Variants in DDAH1 observed in about 807,000 individuals in gnomAD.
DDAH1 encodes the protein N(G),N(G)-dimethylarginine dimethylaminohydrolase 1.
In DDAH1, 19 loss-of-function variants were observed where a neutral mutation model predicts 28.8. The ratio of observed to expected loss-of-function variants is 0.66; its 90% CI spans 0.46 to 0.97. The LOEUF is 0.97. DDAH1 is among the 50% of genes least tolerant of loss of function. The pLI is 0.00. For synonymous variants in DDAH1, 153 were observed against 154.4 expected (o/e 0.99, Z 0.07); for missense variants, 326 against 375.9 (o/e 0.87, Z 1.10).
chr1:85,449,175 A>G (rs1654559724), intron 1 of DDAH1, among the ~76,000 whole-genome samples: 1 of 152,240 alleles, frequency 6.6e-6, no homozygotes. Flanking sequence ...GGCAGCTGGC[A>G]TCAGGGGCCC....
intron 1 of DDAH1, among the ~76,000 whole-genome samples, chr1:85,564,824 A>T (rs1659247339): frequency 6.6e-6 from 1 of 151,582 alleles, no homozygotes; most frequent in Non-Finnish European, 1.5e-5. Flanking sequence ...AGATTGTGCC[A>T]CTGCACTCCA....
chr1:85,575,421 T>C (rs1041793978), intron 1 of DDAH1, among the ~76,000 whole-genome samples: 1 of 152,102 alleles, frequency 6.6e-6, no homozygotes. Flanking sequence ...GCTTATGAGG[T>C]GTCAAAAGAA....
exon 1 of DDAH1, chr1:85,578,062 C>T: frequency 1.4e-5 from 14 of 970,734 alleles, no homozygotes; most frequent in Non-Finnish European, 1.7e-5. Flanking sequence ...GGCGAGAAGG[C>T]GACGGGAGGC....
At chr1:85,496,692 C>A (rs1656606956) in intron 1 of DDAH1, among the ~76,000 whole-genome samples, 1 of 152,160 alleles carries the variant, frequency 6.6e-6, no homozygotes, top group South Asian at 2.1e-4. Context: ...TGATGTACAG[C>A]AAATTAATTG....
intron 2 of DDAH1, among the ~76,000 whole-genome samples, chr1:85,489,255 C>T (rs1354673407): frequency 6.6e-6 from 1 of 152,114 alleles, no homozygotes; most frequent in East Asian, 1.9e-4. Flanking sequence ...CTACTGAAAG[C>T]AAAAATAATA....
Position 85,350,438 on chromosome 1 carries a change from C to G in DDAH1, c.574G>C (p.Glu192Gln), listed in dbSNP as rs750455033. ...ACCTTAAGGGCCTTCTGTGCAGATT[C>G]ACTAGACCCAATTGCGATCAGGTTA... ...GPNLIAIGSS[E>Q]SAQKALKIMQ... The change falls in exon 4 of 6, where the codon GAA becomes CAA. Residue 192 changes from glutamate to glutamine, a missense_variant. Glu to Gln is a conservative substitution (Grantham distance 29). Transcript: ENST00000284031. The G allele has an allele frequency of 6.8e-6, 11 of 1,613,932 alleles. No individual in the cohort carries two copies. The highest frequency in any genetic ancestry group is 5.0e-5 in the Admixed American group (3 of 59,986).
At chr1:85,356,081 T>C (rs1218415518) in intron 2 of DDAH1, among the ~76,000 whole-genome samples, 1 of 152,132 alleles carries the variant, frequency 6.6e-6, no homozygotes, top group African/African-American at 2.4e-5. Context: ...CCCACAGGGG[T>C]GTCTATGGTC....
intron 4 of DDAH1, among the ~76,000 whole-genome samples, chr1:85,342,114 C>T (rs764419085): frequency 1.1e-4 from 17 of 151,888 alleles, no homozygotes; most frequent in Admixed American, 2.0e-4. Context: ...AAGAAGAGAA[C>T]GAGTATAGGA....
At position 85,464,339 on chromosome 1, in the gene DDAH1, G is replaced by C. The variant is rs966696271; in HGVS notation, c.303+404C>G. On this transcript the variant is annotated intron_variant, in intron 1 of 5. Transcript: ENST00000284031. The surrounding 1 kb of genome is among the most constrained non-coding windows in gnomAD (Gnocchi z 4.4). ...GGGCTTCGGTGTCACGACTGGCGCT[G>C]CCCCCTGGAGGGACGCCCAGCCTCC... 1.3e-5 allele frequency among the ~76,000 whole-genome samples: 2 copies of C among 152,154 alleles called. No homozygotes were observed. The highest frequency in any genetic ancestry group is 2.9e-5 in the Non-Finnish European group (2 of 68,020).
At chr1:85,555,858 G>A (rs1180853467) in intron 1 of DDAH1, among the ~76,000 whole-genome samples, 5 of 152,194 alleles carry the variant, frequency 3.3e-5, no homozygotes, top group African/African-American at 1.2e-4. Context: ...CAATATGGCA[G>A]TAAGGTAAAA....
At chr1:85,373,640 C>A (rs553987881) in intron 1 of DDAH1, among the ~76,000 whole-genome samples, 1 of 152,074 alleles carries the variant, frequency 6.6e-6, no homozygotes, top group Non-Finnish European at 1.5e-5. Flanking sequence ...CCCAGTCATG[C>A]GGAACTGTGA....
chr1:85,369,055 C>CTTTTTTT (rs36109764), intron 1 of DDAH1, among the ~76,000 whole-genome samples: 4 of 84,610 alleles, frequency 4.7e-5, no homozygotes, highest in African/African-American at 9.4e-5. Context: ...CCAGGGGATT[C>CTTTTTTT]TTTTTTTTTT....
At position 85,474,630 on chromosome 1, in the gene DDAH1, C is replaced by G. The variant is rs144245323; in HGVS notation, c.-7+21536G>C. The stretch of plus-strand genomic sequence containing the variant: ...CCCTGTTTTGACTCCTATGACAAAG[C>G]ACTGTTTTACTTGCTAATCCAAGGA... On this transcript the variant is annotated intron_variant, in intron 2 of 6. Coordinates refer to the DDAH1 transcript ENST00000426972. Among the ~76,000 whole-genome samples the G allele has an allele frequency of 4.3e-3, 656 of 152,288 alleles. 3 individuals are homozygous for G. The highest frequency in any genetic ancestry group is 0.016 in the Admixed American group (248 of 15,294).
In DDAH1 at chr1:85,319,309, CA is replaced by C. The variant is rs1661227544; in HGVS notation, c.*2142del. The C allele has an allele frequency of 6.6e-6, 1 of 151,928 alleles. No individual in the cohort carries two copies. The highest frequency in any genetic ancestry group is 2.4e-5 in the African/African-American group (1 of 41,334). 9.4% of individuals were successfully genotyped at this position (151,928 alleles called of 1,614,324 possible). A position where few individuals can be genotyped will look rare whatever the true frequency, so the allele number is the denominator to read the frequency against. On this transcript the variant is annotated 3_prime_UTR_variant, in exon 6 of 6. Coordinates refer to ENST00000284031, the MANE Select transcript of DDAH1 (RefSeq NM_012137.4). ...AAAGAGAAGGAAAGACAGAAAGAAG[CA>C]AAAGAAAGGAAAAGTGAAAAACAGC...
At chr1:85,533,369 CTA>C (rs1314604893) in intron 1 of DDAH1, among the ~76,000 whole-genome samples, 1 of 151,902 alleles carries the variant, frequency 6.6e-6, no homozygotes, top group Admixed American at 6.6e-5. Flanking sequence ...TGGGGTCTCA[CTA>C]TATTGTCCAG....
At chr1:85,468,938 A>T (rs917395064), upstream of DDAH1, among the ~76,000 whole-genome samples, 1 of 152,178 alleles carries the variant, frequency 6.6e-6, no homozygotes, top group Admixed American at 6.5e-5. Flanking sequence ...CCTACAATAC[A>T]TGGGAATTAT....
chr1:85,518,314 T>A (rs1400254181), intron 1 of DDAH1, among the ~76,000 whole-genome samples: 2 of 152,122 alleles, frequency 1.3e-5, no homozygotes, highest in African/African-American at 4.8e-5. Flanking sequence ...AGGTCAGAAG[T>A]CTGGTATGAA....
chr1:85,384,174 T>C (rs1219440101), intron 1 of DDAH1, among the ~76,000 whole-genome samples: 1 of 152,230 alleles, frequency 6.6e-6, no homozygotes, highest in East Asian at 1.9e-4. Context: ...CATTTCTGCG[T>C]GAGTTCTGGG....
chr1:85,374,623 C>G (rs1292916627), intron 1 of DDAH1, among the ~76,000 whole-genome samples: 1 of 152,134 alleles, frequency 6.6e-6, no homozygotes, highest in Non-Finnish European at 1.5e-5. Context: ...GTAATCCCAA[C>G]ACCCATGCAT....
Sources: gnomAD v4.1 joint callset for allele counts (sites outside exome capture counted in the v4.1 genomes callset) on GRCh38, gnomAD v4.1.1 for gene constraint, Gnocchi (gnomAD v3.1) non-coding constraint, MANE v1.5 for transcripts, NCBI Gene and HGNC (gene_info 2026-07-23, HGNC 2026-07-21) for gene names.